Variants in NKX1-1 observed in about 807,000 individuals in gnomAD.
The protein encoded by NKX1-1 is NK1 transcription factor-related protein 1.
A neutral mutation model predicts 1.7 loss-of-function variants in NKX1-1; 7 were observed. The ratio of observed to expected loss-of-function variants is 4.22; its 90% CI spans 2.40 to 7.92. NKX1-1 has a LOEUF of 7.92. NKX1-1 is among the 30% of genes most tolerant of loss of function. The pLI, the probability that NKX1-1 is intolerant of heterozygous loss-of-function variation, is 0.00. For missense variants in NKX1-1, 453 were observed against 171.5 expected (o/e 2.64, Z -9.17); for synonymous variants, 242 against 85.3 (o/e 2.84, Z -10.13).
chr4:1,406,016 C>A lies in NKX1-1; in HGVS notation c.427G>T (p.Ala143Ser), dbSNP rs1720743796. ...GCTCCGGCGGCTCCGACTCCCCCGG[C>A]GCCGGCGAGGGCGCGGCGCTCCAGC... ...EELERRALAG[A>S]GGVGAAGAEP... The change falls in exon 1 of 2, where the codon GCC (alanine) becomes TCC (serine). Residue 143 changes from alanine (A) to serine (S), a missense_variant. Ala to Ser is a moderately conservative substitution (Grantham distance 99, BLOSUM62 1). Transcript: ENST00000422806. 4.2e-6 allele frequency: 2 copies of A among 477,048 alleles called. No individual in the cohort carries two copies. The highest frequency in any genetic ancestry group is 2.0e-5 in the African/African-American group (1 of 49,170). 29.6% of individuals were successfully genotyped at this position (477,048 alleles called of 1,614,324 possible). A position where few individuals can be genotyped will look rare whatever the true frequency, so the allele number is the denominator to read the frequency against.
At position 1,406,065 on chromosome 4, in the gene NKX1-1, C is replaced by T. The variant is rs1427094374; in HGVS notation, c.378G>A (p.Ser126=). The part of the protein sequence containing the change: ...SAPCAPAPAA[S]GRPPRAEELE... ...GCTCCTCCGCGCGTGGCGGGCGTCC[C>T]GAGGCGGCGGGTGCAGGGGCGCATG... Residue 126 remains serine, a synonymous_variant, in exon 1 of 2, where the codon TCG becomes TCA. Coordinates refer to ENST00000422806, the MANE Select transcript of NKX1-1 (RefSeq NM_001290079.1). The T allele has an allele frequency of 4.1e-6, 2 of 492,900 alleles. No individual in the cohort carries two copies. The highest frequency in any genetic ancestry group is 3.4e-5 in the South Asian group (1 of 29,594). 30.5% of individuals were successfully genotyped at this position (492,900 alleles called of 1,614,324 possible).
intron 1 of NKX1-1, among the ~76,000 whole-genome samples, chr4:1,405,260 C>CA (rs1174065298): frequency 6.6e-6 from 1 of 152,210 alleles, no homozygotes; most frequent in Admixed American, 6.5e-5. Context: ...GGAGGGGACA[C>CA]AAAAAGCAAT....
intron 1 of NKX1-1, among the ~76,000 whole-genome samples, chr4:1,405,594 AGGAG>A (rs985795339): frequency 3.9e-5 from 5 of 129,160 alleles, no homozygotes; most frequent in Non-Finnish European, 6.5e-5. Flanking sequence ...AGAGGGAGAA[AGGAG>A]GGAGGGAGGG....
chr4:1,403,538 G>A lies in NKX1-1; in HGVS notation c.741C>T (p.Pro247=), dbSNP rs1053917286. 19 of 461,720 alleles carry A rather than the reference G, an allele frequency of 4.1e-5. No homozygotes were observed. The South Asian group carries it at 7.1e-4, about 17-fold the overall frequency. 28.6% of individuals were successfully genotyped at this position (461,720 alleles called of 1,614,324 possible). Residue 247 remains proline (P), a synonymous_variant, in exon 2 of 2, where the codon CCC becomes CCT. Transcript: ENST00000422806. ...CAACGGGCGAGTTCTCGCGGGGTCCGGGGGCCGCTGCCTCGTCGACGGTGG... is the reference window on the plus strand; with the variant it reads ...CAACGGGCGAGTTCTCGCGGGGTCCAGGGGCCGCTGCCTCGTCGACGGTGG... ...PGATVDEAAA[P]GPRENSPVAQ...
At chr4:1,404,341 C>T (rs577479714) in intron 1 of NKX1-1, among the ~76,000 whole-genome samples, 60 of 152,382 alleles carry the variant, frequency 3.9e-4, no homozygotes, top group African/African-American at 1.2e-3. Context: ...GCGGTGGGGC[C>T]GGAGCCGGCC....
At chr4:1,404,083 C>A (rs531599100) in intron 1 of NKX1-1, among the ~76,000 whole-genome samples, 80 of 152,290 alleles carry the variant, frequency 5.3e-4, no homozygotes, top group African/African-American at 1.8e-3. Context: ...CCGCGCTGCC[C>A]GTTCTCGCGG....
In NKX1-1 at chr4:1,406,144, C is replaced by T; in HGVS notation, c.299G>A (p.Cys100Tyr). The T allele has an allele frequency of 1.6e-6, 1 of 620,076 alleles. No homozygotes were observed. The highest frequency in any genetic ancestry group is 2.9e-6 in the Non-Finnish European group (1 of 345,634). 38.4% of individuals were successfully genotyped at this position (620,076 alleles called of 1,614,324 possible). A position where few individuals can be genotyped will look rare whatever the true frequency, so the allele number is the denominator to read the frequency against. ...GGGAGCCACTGGGCCCAGCAGCACGCAACGACGCCTCCTGCTGTTGAACTT... is the reference window on the plus strand; with the variant it reads ...GGGAGCCACTGGGCCCAGCAGCACGTAACGACGCCTCCTGCTGTTGAACTT... ...PNKFNSRRRR[C>Y]VLLGPVAPAA... The change falls in exon 1 of 2, where the codon TGC becomes TAC. Residue 100 changes from cysteine to tyrosine, a missense_variant. Physicochemically the swap from Cys to Tyr is radical, Grantham distance 194. Transcript: ENST00000422806.
Position 1,403,165 on chromosome 4 carries a change from G to A in NKX1-1, c.1114C>T (p.Pro372Ser), listed in dbSNP as rs1453042393. 4 of 611,952 alleles carry A rather than the reference G, an allele frequency of 6.5e-6. No individual in the cohort carries two copies. Among genetic ancestry groups the A allele is most frequent in the Non-Finnish European group, 8.9e-6 (3 of 336,658 alleles). 37.9% of individuals were successfully genotyped at this position (611,952 alleles called of 1,614,324 possible). The change falls in exon 2 of 2, where the codon CCG becomes TCG. Residue 372 changes from proline (P) to serine (S), a missense_variant. Pro to Ser is a moderately conservative substitution (Grantham distance 74, BLOSUM62 -1). Coordinates refer to ENST00000422806, the MANE Select transcript of NKX1-1 (RefSeq NM_001290079.1). ...AGCCCCGTGCCAGGCCCGGCCCCCG[G>A]TCCCGGTCCGCCCCCGCCGCCGGTC... ...APTGGGGGPG[P>S]GAGPGTGLPG...
rs1287319843 is a variant in NKX1-1 at position 1,403,115 on chromosome 4, G to T, written c.1164C>A (p.Ser388Arg). 2.3e-5 allele frequency: 10 copies of T among 441,838 alleles called. No homozygotes were observed. The highest frequency in any genetic ancestry group is 3.5e-5 in the Non-Finnish European group (9 of 255,510). The allele number at this position is 441,838 out of a possible 1,614,324, so 27.4% of individuals were successfully genotyped here. Reference protein sequence around the residue: ...TGLPGGLSPLSPSPPMGAPLG... With the variant: ...TGLPGGLSPLRPSPPMGAPLG... ...GCGGGGCGCCCATGGGCGGCGAGGG[G>T]CTGAGCGGGCTGAGGCCGCCGGGCA... The change falls in exon 2 of 2, where the codon AGC becomes AGA. Residue 388 changes from serine (S) to arginine (R), a missense_variant. Physicochemically the swap from Ser to Arg is moderately radical, Grantham distance 110. Coordinates refer to ENST00000422806, the MANE Select transcript of NKX1-1 (RefSeq NM_001290079.1).
At chr4:1,404,919 G>C (rs1206738276) in intron 1 of NKX1-1, among the ~76,000 whole-genome samples, 1 of 152,204 alleles carries the variant, frequency 6.6e-6, no homozygotes, top group African/African-American at 2.4e-5. Flanking sequence ...CTAGACGACC[G>C]CGAGCGCCGT....
chr4:1,403,597 G>T lies in NKX1-1; in HGVS notation c.682C>A (p.Gln228Lys). ...GGLGARGSGC[Q>K]GAAETDASPG... ...GACGCGTCGGTCTCAGCCGCGCCCT[G>T]GCAACCCGACCCGCGGGCCCCGAGG... Residue 228 changes from glutamine to lysine, a missense_variant, in exon 2 of 2, where the codon CAG becomes AAG. Physicochemically the swap from Gln to Lys is moderately conservative, Grantham distance 53. Coordinates refer to ENST00000422806, the MANE Select transcript of NKX1-1 (RefSeq NM_001290079.1). The T allele has an allele frequency of 2.1e-6, 1 of 475,756 alleles. No homozygotes were observed. The highest frequency in any genetic ancestry group is 3.6e-6 in the Non-Finnish European group (1 of 276,356). The allele number at this position is 475,756 out of a possible 1,614,324, so 29.5% of individuals were successfully genotyped here.
At position 1,403,454 on chromosome 4, in the gene NKX1-1, GC is replaced by G; in HGVS notation, c.824del (p.Gly275AlafsTer66). On this transcript the variant is annotated frameshift_variant, in exon 2 of 2. Transcript: ENST00000422806. LOFTEE classifies it low-confidence loss of function (END_TRUNC). ...APGGAGTTPQ[G>X]TATAAKPKRK... is the part of the protein sequence containing the mutation. ...GCTTGGGCTTCGCCGCCGTCGCCGT[GC>G]CCTGCGGGGTGGTCCCCGCGCCCCC... 1.6e-6 allele frequency: 1 copy of G among 630,196 alleles called. No homozygotes were observed. 39.0% of individuals were successfully genotyped at this position (630,196 alleles called of 1,614,324 possible). A position where few individuals can be genotyped will look rare whatever the true frequency, so the allele number is the denominator to read the frequency against.
In NKX1-1 at chr4:1,406,019, C is replaced by CGGCGAG; in HGVS notation, c.418_423dup (p.Leu140_Ala141dup). The CGGCGAG allele has an allele frequency of 2.1e-6, 1 of 477,010 alleles. No individual in the cohort carries two copies. Among genetic ancestry groups the CGGCGAG allele is most frequent in the Non-Finnish European group, 3.6e-6 (1 of 276,246 alleles). 29.5% of individuals were successfully genotyped at this position (477,010 alleles called of 1,614,324 possible). A position where few individuals can be genotyped will look rare whatever the true frequency, so the allele number is the denominator to read the frequency against. On this transcript the variant is annotated inframe_insertion, in exon 1 of 2. Transcript: ENST00000422806. ...CCGGCGGCTCCGACTCCCCCGGCGC[C>CGGCGAG]GGCGAGGGCGCGGCGCTCCAGCTCC... is the stretch of plus-strand genomic sequence containing the variant.
In NKX1-1 at chr4:1,406,298, G is replaced by C. The variant is rs1324106794; in HGVS notation, c.145C>G (p.Arg49Gly). 3 of 403,516 alleles carry C rather than the reference G, an allele frequency of 7.4e-6. No homozygotes were observed. Among genetic ancestry groups the C allele is most frequent in the African/African-American group, 2.1e-5 (1 of 47,790 alleles). 25.0% of individuals were successfully genotyped at this position (403,516 alleles called of 1,614,324 possible). A position where few individuals can be genotyped will look rare whatever the true frequency, so the allele number is the denominator to read the frequency against. The change falls in exon 1 of 2, where the codon CGC becomes GGC. Residue 49 changes from arginine (R) to glycine (G), a missense_variant. Transcript: ENST00000422806. ...GCCGCGAGCGGCGGGGCTCCAGCGC[G>C]GGGAAAGGCCGGCAGCTCGGCGCGC... ...DGRAELPAFP[R>G]AGAPPLAASD...
chr4:1,403,368 G>T lies in NKX1-1; in HGVS notation c.911C>A (p.Thr304Asn). 1 of 717,302 alleles carries T rather than the reference G, an allele frequency of 1.4e-6. No homozygotes were observed. The highest frequency in any genetic ancestry group is 2.4e-6 in the Non-Finnish European group (1 of 409,614). The allele number at this position is 717,302 out of a possible 1,614,324, so 44.4% of individuals were successfully genotyped here. Residue 304 changes from threonine to asparagine, a missense_variant, in exon 2 of 2, where the codon ACC becomes AAC. By Grantham distance (65) the Thr-to-Asn change is moderately conservative. Transcript: ENST00000422806. ...GKPRRARTAF[T>N]YEQLVALENK... ...CTCCAGCGCCACGAGCTGCTCGTAG[G>T]TGAAGGCGGTGCGCGCTCGCCGCGG... is the stretch of plus-strand genomic sequence containing the variant.
In NKX1-1 at chr4:1,403,633, C is replaced by T. The variant is rs553356348; in HGVS notation, c.646G>A (p.Gly216Ser). The T allele has an allele frequency of 4.3e-4, 225 of 521,432 alleles. 3 individuals are homozygous for T. In the East Asian group the frequency reaches 7.7e-3, roughly 18 times the overall value. The allele number at this position is 521,432 out of a possible 1,614,324, so 32.3% of individuals were successfully genotyped here. A position where few individuals can be genotyped will look rare whatever the true frequency, so the allele number is the denominator to read the frequency against. Residue 216 changes from glycine to serine, a missense_variant, in exon 2 of 2, where the codon GGC (glycine) becomes AGC (serine). Coordinates refer to ENST00000422806, the MANE Select transcript of NKX1-1 (RefSeq NM_001290079.1). Reference protein sequence around the residue: ...AARGAEEARGGGGGLGARGSG... With the variant: ...AARGAEEARGSGGGLGARGSG... ...CCGCGGGCCCCGAGGCCGCCGCCGC[C>T]TCCCCGCGCCTCCTCCGCGCCTCGC...
chr4:1,405,842 G>T (rs1720740103), intron 1 of NKX1-1, 138 bp downstream of exon 1: 1 of 397,534 alleles, frequency 2.5e-6, no homozygotes, highest in Non-Finnish European at 4.4e-6. Flanking sequence ...GGCTGGTGCG[G>T]ACCCGGCGCT....
chr4:1,403,739 G>T lies in NKX1-1; in HGVS notation c.540C>A (p.His180Gln). 1 of 686,228 alleles carries T rather than the reference G, an allele frequency of 1.5e-6. No homozygotes were observed. Among genetic ancestry groups the T allele is most frequent in the Non-Finnish European group, 2.6e-6 (1 of 379,356 alleles). 42.5% of individuals were successfully genotyped at this position (686,228 alleles called of 1,614,324 possible). The change falls in exon 2 of 2, where the codon CAC becomes CAA. Residue 180 changes from histidine to glutamine, a missense_variant. His to Gln is a conservative substitution (Grantham distance 24). Coordinates refer to ENST00000422806, the MANE Select transcript of NKX1-1 (RefSeq NM_001290079.1). ...TNGYSSGGGGHSPSADSGDEV... is the reference protein window; with the variant it reads ...TNGYSSGGGGQSPSADSGDEV... ...CGTCCCCGCTGTCCGCGCTCGGGCT[G>T]TGGCCGCCGCCGCCGCTGCTGTAGC...
intron 1 of NKX1-1, among the ~76,000 whole-genome samples, 179 bp from the exon 2 acceptor site, chr4:1,403,994 G>T (rs1720705497): frequency 6.6e-6 from 1 of 151,674 alleles, no homozygotes; most frequent in Non-Finnish European, 1.5e-5. Flanking sequence ...CCTCCCCTCG[G>T]CCTGTCCTTC....
Sources: gnomAD v4.1 joint callset for allele counts (sites outside exome capture counted in the v4.1 genomes callset) on GRCh38, gnomAD v4.1.1 for gene constraint, MANE v1.5 for transcripts, NCBI Gene and HGNC (gene_info 2026-07-23, HGNC 2026-07-21) for gene names.